ZFAND6: variants seen among roughly 807,000 people sequenced by gnomAD.
ZFAND6 encodes the protein AN1-type zinc finger protein 6.
ZFAND6 carries 12 observed loss-of-function variants against 24.5 expected under a neutral mutation model. The observed-to-expected ratio is 0.49, with a 90% CI of 0.31 to 0.79. The LOEUF is 0.79. Ranked by LOEUF, ZFAND6 falls within the 30% of genes least tolerant of loss-of-function variation. The pLI is 0.04. For missense variants in ZFAND6, 207 were observed against 245.9 expected, an observed-to-expected ratio of 0.84 and a Z score of 1.06; for synonymous variants, 92 against 81.5, an observed-to-expected ratio of 1.13 and a Z score of -0.69.
chr15:80,110,328 T>G (rs1596285191), intron 2 of ZFAND6, among the ~76,000 whole-genome samples: 2 of 152,134 alleles, frequency 1.3e-5, no homozygotes, highest in African/African-American at 4.8e-5. Context: ...ATACACCATT[T>G]ATAGTAGATT....
intron 1 of ZFAND6, among the ~76,000 whole-genome samples, chr15:80,093,657 G>A (rs893704051): frequency 5.9e-5 from 9 of 152,206 alleles, no homozygotes; most frequent in African/African-American, 1.9e-4. Flanking sequence ...CCCAGAAGGC[G>A]GAGGTTGCAG....
intron 5 of ZFAND6, among the ~76,000 whole-genome samples, chr15:80,127,573 G>A (rs2040419197): frequency 8.7e-6 from 1 of 114,834 alleles, no homozygotes; most frequent in South Asian, 2.9e-4. Flanking sequence ...CTGGGCAAAA[G>A]GGCAAAACTC....
At chr15:80,125,664 TTCACAAA>T (rs2040342742) in intron 5 of ZFAND6, among the ~76,000 whole-genome samples, 1 of 152,220 alleles carries the variant, frequency 6.6e-6, no homozygotes, top group South Asian at 2.1e-4. Context: ...AAATTTCCAG[TTCACAAA>T]TGCTAGCTTT....
At chr15:80,115,870 T>C (rs2141998122) in intron 2 of ZFAND6, among the ~76,000 whole-genome samples, 1 of 152,298 alleles carries the variant, frequency 6.6e-6, no homozygotes, top group Admixed American at 6.5e-5. Context: ...GGTCATATTG[T>C]ACTTTCATCT....
At chr15:80,084,310 G>C (rs1423221579) in intron 1 of ZFAND6, among the ~76,000 whole-genome samples, 1 of 152,204 alleles carries the variant, frequency 6.6e-6, no homozygotes, top group Non-Finnish European at 1.5e-5. Context: ...GATGCTGAAA[G>C]AAAATGTTCA....
chr15:80,108,448 A>G (rs1458649507), intron 2 of ZFAND6, among the ~76,000 whole-genome samples: 1 of 152,204 alleles, frequency 6.6e-6, no homozygotes, highest in African/African-American at 2.4e-5. Flanking sequence ...ATGAATGTCC[A>G]TGAATGTGGA....
chr15:80,080,002 C>CTT (rs897285399), intron 1 of ZFAND6, among the ~76,000 whole-genome samples: 1 of 144,240 alleles, frequency 6.9e-6, no homozygotes. Flanking sequence ...TTTTCCCTTT[C>CTT]TTTTTTTTTT....
In ZFAND6 at chr15:80,109,981, C is replaced by T. The variant is rs548594785; in HGVS notation, c.-17-10347C>T. On this transcript the variant is annotated intron_variant, in intron 2 of 6. Coordinates refer to ENST00000261749, the MANE Select transcript of ZFAND6 (RefSeq NM_019006.4). ...GGCTGCAGTCATTCAAAGATTTGAT[C>T]AGGGCTAGAGAAGATCGGCTTCCTG... Among the ~76,000 whole-genome samples, 180 of 152,248 alleles carry T rather than the reference C, an allele frequency of 1.2e-3. 1 individual carries two copies. The highest frequency in any genetic ancestry group is 4.0e-3 in the African/African-American group (166 of 41,538).
In ZFAND6 at chr15:80,137,530, G is replaced by C; in HGVS notation, c.529G>C (p.Asp177His). The C allele has an allele frequency of 6.2e-7, 1 of 1,607,686 alleles. No individual in the cohort carries two copies. Among genetic ancestry groups the C allele is most frequent in the South Asian group, 1.1e-5 (1 of 89,498 alleles). Residue 177 changes from aspartate to histidine, a missense_variant, in exon 7 of 7, where the codon GAT becomes CAT. By Grantham distance (81) the Asp-to-His change is moderately conservative. Around this residue, in one of 3 missense-constraint regions of ZFAND6, gnomAD observed 45 missense variants for 67.7 expected, o/e 0.66. Coordinates refer to ENST00000261749, the MANE Select transcript of ZFAND6 (RefSeq NM_019006.4). ...TTACTGTGGTGTACACCGTTACTCA[G>C]ATGTACACAATTGCTCTTACAATTA... ...NVYCGVHRYSDVHNCSYNYKA... is the reference protein window; with the variant it reads ...NVYCGVHRYSHVHNCSYNYKA...
intron 1 of ZFAND6, among the ~76,000 whole-genome samples, chr15:80,094,396 A>C (rs565545025): frequency 6.6e-6 from 1 of 152,284 alleles, no homozygotes; most frequent in East Asian, 1.9e-4. Flanking sequence ...TCTAGGTTAC[A>C]CACTGCTTAT....
At chr15:80,093,402 C>T (rs2038509339) in intron 1 of ZFAND6, among the ~76,000 whole-genome samples, 1 of 152,002 alleles carries the variant, frequency 6.6e-6, no homozygotes, top group South Asian at 2.1e-4. Context: ...GTTGCTTTCT[C>T]TATATTCTTT....
chr15:80,129,124 C>T (rs548746243), intron 5 of ZFAND6, among the ~76,000 whole-genome samples: 2 of 152,254 alleles, frequency 1.3e-5, no homozygotes, highest in East Asian at 3.9e-4. Context: ...ATAGGCTTAT[C>T]TGATACTGTT....
intron 1 of ZFAND6, among the ~76,000 whole-genome samples, chr15:80,082,539 T>C (rs1212225547): frequency 6.6e-6 from 1 of 152,232 alleles, no homozygotes; most frequent in East Asian, 1.9e-4. Context: ...GCAGGGAGAC[T>C]ACCAGTTGTT....
chr15:80,110,120 G>A (rs1204093310), intron 2 of ZFAND6, among the ~76,000 whole-genome samples: 1 of 152,170 alleles, frequency 6.6e-6, no homozygotes, highest in Non-Finnish European at 1.5e-5. Context: ...AAGCAAAGCA[G>A]AAACCACAGT....
intron 6 of ZFAND6, among the ~76,000 whole-genome samples, chr15:80,136,173 T>A (rs2040853430): frequency 6.6e-6 from 1 of 151,022 alleles, no homozygotes; most frequent in South Asian, 2.1e-4. Flanking sequence ...ATATTAAAGA[T>A]AGCCTTTCTA....
intron 1 of ZFAND6, among the ~76,000 whole-genome samples, chr15:80,091,160 G>GGGGT (rs367758438): frequency 2.0e-5 from 3 of 150,166 alleles, no homozygotes; most frequent in Admixed American, 1.3e-4. Context: ...GTTGTTAAGG[G>GGGGT]GTGTGTGTGT....
chr15:80,090,335 C>T (rs2038279249), intron 1 of ZFAND6, among the ~76,000 whole-genome samples: 1 of 152,188 alleles, frequency 6.6e-6, no homozygotes, highest in African/African-American at 2.4e-5. Context: ...GGTGCTTGAG[C>T]TTTGGAGTCA....
chr15:80,080,838 C>T (rs1426170378), intron 1 of ZFAND6, among the ~76,000 whole-genome samples: 5 of 152,226 alleles, frequency 3.3e-5, no homozygotes, highest in South Asian at 4.1e-4. Context: ...GAGTGGGGTG[C>T]GGAGAGGTAC....
At chr15:80,136,864 T>C (rs2040888709) in intron 6 of ZFAND6, among the ~76,000 whole-genome samples, 2 of 152,206 alleles carry the variant, frequency 1.3e-5, no homozygotes, top group African/African-American at 4.8e-5. Context: ...CAGAATTAAA[T>C]TCCTTCCTCA....
Sources: allele counts gnomAD v4.1 joint callset (sites outside exome capture counted in the v4.1 genomes callset), GRCh38; gene constraint gnomAD v4.1.1; regional missense constraint gnomAD v4.1.1; transcripts MANE v1.5; gene names NCBI Gene and HGNC (gene_info 2026-07-23, HGNC 2026-07-21).